Variants in ZFHX3 observed in about 807,000 individuals in gnomAD.
ZFHX3 encodes zinc finger homeobox 3.
A neutral mutation model predicts 279.1 loss-of-function variants in ZFHX3; 42 were observed. The observed-to-expected ratio is 0.15, with a 90% CI of 0.12 to 0.19. ZFHX3 has a LOEUF of 0.19. ZFHX3 is among the 10% of genes least tolerant of loss of function. The probability of loss-of-function intolerance (pLI) is 1.00; values close to 1 mark genes in which losing one functional copy is unlikely to be tolerated. For missense variants in ZFHX3, 4,981 were observed against 4,754.0 expected (o/e 1.05, Z -1.40); for synonymous variants, 2,293 against 1,957.8 (o/e 1.17, Z -4.52).
At chr16:73,356,189 AC>A (rs1167594715) in intron 3 of ZFHX3, among the ~76,000 whole-genome samples, 1 of 152,202 alleles carries the variant, frequency 6.6e-6, no homozygotes, top group African/African-American at 2.4e-5. Context: ...ACCATTGCCA[AC>A]CCACTGGATA....
intron 2 of ZFHX3, among the ~76,000 whole-genome samples, chr16:73,629,102 G>T (rs1004508962): frequency 6.6e-6 from 1 of 152,172 alleles, no homozygotes; most frequent in South Asian, 2.1e-4. Flanking sequence ...AGCAGTGATG[G>T]AAACTATAAA....
intron 4 of ZFHX3, among the ~76,000 whole-genome samples, chr16:72,844,929 G>A (rs1012297826): frequency 6.6e-6 from 1 of 150,994 alleles, no homozygotes; most frequent in South Asian, 2.1e-4. Flanking sequence ...TGTAGTAACA[G>A]TGCTCCCCTT....
chr16:72,895,639 T>C (rs891039829), intron 3 of ZFHX3, among the ~76,000 whole-genome samples: 1 of 152,080 alleles, frequency 6.6e-6, no homozygotes, highest in South Asian at 2.1e-4. Flanking sequence ...CTGGGCAACA[T>C]GGTGAGACCC....
At chr16:73,657,046 C>T (rs1290001769) in intron 2 of ZFHX3, among the ~76,000 whole-genome samples, 1 of 152,206 alleles carries the variant, frequency 6.6e-6, no homozygotes, top group East Asian at 1.9e-4. Context: ...TAAAAGTAAT[C>T]ATATTTTTCC....
At position 73,572,132 on chromosome 16, in the gene ZFHX3, C is replaced by T. The variant is rs199680195; in HGVS notation, c.-1547+108048G>A. Among the ~76,000 whole-genome samples, 32 of 143,466 alleles carry T rather than the reference C, an allele frequency of 2.2e-4. No individual in the cohort carries two copies. The East Asian group carries it at 6.2e-3, about 28-fold the overall frequency. The allele number at this position is 143,466 out of a possible 152,430, so 94.1% of individuals were successfully genotyped here. A position where few individuals can be genotyped will look rare whatever the true frequency, so the allele number is the denominator to read the frequency against. On this transcript the variant is annotated intron_variant, in intron 2 of 17. Coordinates refer to the ZFHX3 transcript ENST00000641206. The stretch of plus-strand genomic sequence containing the variant: ...TGCCACTTAAAAAAGAAAAGTCAAC[C>T]GAAAGCATCAAATGGATTTTGAATC...
chr16:73,409,874 AC>A (rs2017432120), intron 3 of ZFHX3, among the ~76,000 whole-genome samples: 1 of 152,098 alleles, frequency 6.6e-6, no homozygotes, highest in Admixed American at 6.6e-5. Context: ...GACAAACTTC[AC>A]ATGTTCTCAC....
intron 3 of ZFHX3, among the ~76,000 whole-genome samples, chr16:73,373,471 G>C (rs777782284): frequency 7.9e-5 from 12 of 152,098 alleles, no homozygotes; most frequent in Non-Finnish European, 1.3e-4. Context: ...ATTCCTTCAG[G>C]GGTGACCCCA....
intron 4 of ZFHX3, among the ~76,000 whole-genome samples, chr16:72,877,076 A>G (rs1336604194): frequency 6.6e-6 from 1 of 152,244 alleles, no homozygotes; most frequent in Non-Finnish European, 1.5e-5. Context: ...AAAATAGTCT[A>G]CATTCCTGAT....
chr16:73,449,363 A>C (rs1272452715), intron 3 of ZFHX3, among the ~76,000 whole-genome samples: 1 of 152,158 alleles, frequency 6.6e-6, no homozygotes, highest in Non-Finnish European at 1.5e-5. Context: ...GATCTTCTAA[A>C]AGTCTTCTTA....
At chr16:73,003,217 T>C (rs1291748844) in intron 1 of ZFHX3, among the ~76,000 whole-genome samples, 1 of 152,100 alleles carries the variant, frequency 6.6e-6, no homozygotes, top group Admixed American at 6.5e-5. Flanking sequence ...GCAAAAATCT[T>C]TATGTATAAA....
At chr16:73,021,648 T>C (rs372315912) in intron 1 of ZFHX3, among the ~76,000 whole-genome samples, 35 of 151,398 alleles carry the variant, frequency 2.3e-4, no homozygotes, top group African/African-American at 8.0e-4. Flanking sequence ...CTGGCCAACA[T>C]AGTGAAACCC....
chr16:73,507,485 C>CTTTTTTTTTTTTTTT lies in ZFHX3; in HGVS notation c.-1546-51242_-1546-51228dup, dbSNP rs752001880. ...AAATGCGTGAAATTCAGCTCTGCCACTTTTTTTTTTTTTTTTTTTTTTTTT... is the reference window on the plus strand; with the variant it reads ...AAATGCGTGAAATTCAGCTCTGCCACTTTTTTTTTTTTTTTTTTTTTTTTTTTTTTTTTTTTTTTT... On this transcript the variant is annotated intron_variant, in intron 2 of 17. Coordinates refer to the ZFHX3 transcript ENST00000641206. Among the ~76,000 whole-genome samples the CTTTTTTTTTTTTTTT allele has an allele frequency of 1.1e-4, 9 of 79,790 alleles. 1 individual carries two copies. The highest frequency in any genetic ancestry group is 5.8e-4 in the East Asian group (1 of 1,722). The allele number at this position is 79,790 out of a possible 152,430, so 52.3% of individuals were successfully genotyped here. A position where few individuals can be genotyped will look rare whatever the true frequency, so the allele number is the denominator to read the frequency against.
chr16:73,782,443 G>T (rs986917107), intron 1 of ZFHX3, among the ~76,000 whole-genome samples: 1 of 152,220 alleles, frequency 6.6e-6, no homozygotes, highest in African/African-American at 2.4e-5. Flanking sequence ...CTCATGAGCA[G>T]CTATTTAAGG....
intron 1 of ZFHX3, among the ~76,000 whole-genome samples, chr16:73,836,713 G>T (rs1398599704): frequency 6.6e-6 from 1 of 152,220 alleles, no homozygotes; most frequent in African/African-American, 2.4e-5. Context: ...CTGTGGTTTG[G>T]ATGTGGTTTG....
chr16:73,852,498 T>A (rs1666172047), intron 1 of ZFHX3, among the ~76,000 whole-genome samples: 1 of 152,256 alleles, frequency 6.6e-6, no homozygotes, highest in South Asian at 2.1e-4. Flanking sequence ...TTTCTATGTA[T>A]GTCTTTGCAG....
At chr16:73,603,772 C>CTTTTTTT (rs11459049) in intron 2 of ZFHX3, among the ~76,000 whole-genome samples, 2 of 105,512 alleles carry the variant, frequency 1.9e-5, no homozygotes, top group African/African-American at 7.2e-5. Context: ...AAAAAATACG[C>CTTTTTTT]TTTTTTTTTT....
chr16:73,393,817 T>G (rs988031798), intron 3 of ZFHX3, among the ~76,000 whole-genome samples: 1 of 151,516 alleles, frequency 6.6e-6, no homozygotes, highest in Middle Eastern at 3.5e-3. Flanking sequence ...ATTAAGAACA[T>G]TAATTCTTTA....
rs896320379 is a variant in ZFHX3, at chr16:72,914,877, G to A, written c.3217-24915C>T. ...GTGATGGTGTGCGCCTATAGTCCCA[G>A]CTACTCGGGTGGCTGAGGCAGGAGA... On this transcript the variant is annotated intron_variant, in intron 3 of 9. Coordinates refer to ENST00000268489, the MANE Select transcript of ZFHX3 (RefSeq NM_006885.4). Among the ~76,000 whole-genome samples, 5 of 152,104 alleles carry A rather than the reference G, an allele frequency of 3.3e-5. No individual in the cohort carries two copies. In the South Asian group the frequency reaches 6.2e-4, roughly 19 times the overall value.
At chr16:73,128,729 T>C (rs1365556755) in intron 7 of ZFHX3, among the ~76,000 whole-genome samples, 5 of 152,228 alleles carry the variant, frequency 3.3e-5, no homozygotes, top group Non-Finnish European at 5.9e-5. Context: ...TTTGATCCTG[T>C]CTGAAACATC....
Sources: gnomAD v4.1 joint callset for allele counts (sites outside exome capture counted in the v4.1 genomes callset) on GRCh38, gnomAD v4.1.1 for gene constraint, MANE v1.5 for transcripts, NCBI Gene and HGNC (gene_info 2026-07-23, HGNC 2026-07-21) for gene names.